Variants in NLN observed in about 807,000 individuals in gnomAD.
NLN encodes the protein neurolysin, mitochondrial.
NLN carries 64 observed loss-of-function variants against 79.9 expected under a neutral mutation model. The ratio of observed to expected loss-of-function variants is 0.80; its 90% CI spans 0.65 to 0.99. NLN has a LOEUF of 0.99. Among genes scored for constraint, NLN ranks in the 50% least tolerant of loss-of-function variants. The pLI, the probability that NLN is intolerant of heterozygous loss-of-function variation, is 0.00. For missense variants in NLN, 835 were observed against 858.7 expected, an observed-to-expected ratio of 0.97 and a Z score of 0.34; for synonymous variants, 267 against 296.6, an observed-to-expected ratio of 0.90 and a Z score of 1.02.
chr5:65,738,689 C>T (rs1000649405), intron 1 of NLN, among the ~76,000 whole-genome samples: 1 of 151,658 alleles, frequency 6.6e-6, no homozygotes, highest in Non-Finnish European at 1.5e-5. Flanking sequence ...ATTTTGTATC[C>T]TTTGACCAGC....
intron 9 of NLN, among the ~76,000 whole-genome samples, chr5:65,802,180 C>T (rs1561208976): frequency 6.6e-6 from 1 of 152,234 alleles, no homozygotes; most frequent in African/African-American, 2.4e-5. Context: ...AGGCTGCACT[C>T]AGCTCGCACT....
intron 3 of NLN, among the ~76,000 whole-genome samples, chr5:65,766,472 A>G (rs928618163): frequency 6.6e-6 from 1 of 152,122 alleles, no homozygotes; most frequent in Non-Finnish European, 1.5e-5. Context: ...AAACCACCCC[A>G]TGATCCATTC....
At chr5:65,817,130 G>T (rs1293831131) in intron 12 of NLN, among the ~76,000 whole-genome samples, 1 of 152,004 alleles carries the variant, frequency 6.6e-6, no homozygotes, top group East Asian at 1.9e-4. Flanking sequence ...CTGTTTTGAG[G>T]GCCTCTATCA....
intron 1 of NLN, among the ~76,000 whole-genome samples, chr5:65,755,415 A>G (rs968033121): frequency 3.3e-5 from 5 of 152,174 alleles, no homozygotes; most frequent in Admixed American, 6.6e-5. Context: ...AAAGTGGAAC[A>G]TGCGTATAAG....
chr5:65,822,556 C>CCA (rs1258381621), intron 12 of NLN, among the ~76,000 whole-genome samples: 1 of 152,142 alleles, frequency 6.6e-6, no homozygotes, highest in East Asian at 1.9e-4. Context: ...GGAGACAAGA[C>CCA]CATAATAAAG....
At chr5:65,779,254 A>G (rs1388318696) in intron 4 of NLN, among the ~76,000 whole-genome samples, 2 of 152,170 alleles carry the variant, frequency 1.3e-5, no homozygotes, top group South Asian at 2.1e-4. Context: ...GTTTCTAACA[A>G]CTTCCCTGGT....
chr5:65,812,010 G>C (rs535008283), intron 11 of NLN, among the ~76,000 whole-genome samples: 3 of 152,154 alleles, frequency 2.0e-5, no homozygotes, highest in Admixed American at 2.0e-4. Context: ...GGACAAAGCC[G>C]CTGAAACTAT....
At position 65,729,582 on chromosome 5, in the gene NLN, G is replaced by T. The variant is rs149645408; in HGVS notation, c.41+7168G>T. On this transcript the variant is annotated intron_variant, in intron 1 of 12. Coordinates refer to ENST00000380985, the MANE Select transcript of NLN (RefSeq NM_020726.5). Reference sequence around the variant, plus strand: ...GCAGAGACGGGGTTTTACCATGTTGGCTAGGCTGGTCTCGAACTCCTGATC... The same window carrying T: ...GCAGAGACGGGGTTTTACCATGTTGTCTAGGCTGGTCTCGAACTCCTGATC... 7.5e-3 allele frequency among the ~76,000 whole-genome samples: 1,145 copies of T among 152,060 alleles called. 7 individuals carry two copies. The highest frequency in any genetic ancestry group is 0.014 in the Non-Finnish European group (918 of 67,952).
intron 9 of NLN, among the ~76,000 whole-genome samples, chr5:65,793,833 G>A (rs1461587468): frequency 1.3e-5 from 2 of 152,048 alleles, no homozygotes; most frequent in East Asian, 3.8e-4. Flanking sequence ...ATACCCCTCA[G>A]CCTCTCACCC....
At chr5:65,817,599 TC>T (rs1359298940) in intron 12 of NLN, among the ~76,000 whole-genome samples, 1 of 152,248 alleles carries the variant, frequency 6.6e-6, no homozygotes, top group African/African-American at 2.4e-5. Context: ...ATCTTCCTCC[TC>T]TTTTGCATTT....
At chr5:65,728,221 C>G (rs1758521444) in intron 1 of NLN, among the ~76,000 whole-genome samples, 1 of 152,094 alleles carries the variant, frequency 6.6e-6, no homozygotes, top group Non-Finnish European at 1.5e-5. Context: ...AAAATTTCCT[C>G]TATGAACAGA....
At chr5:65,795,443 T>G (rs1760155327) in intron 9 of NLN, among the ~76,000 whole-genome samples, 1 of 152,136 alleles carries the variant, frequency 6.6e-6, no homozygotes, top group African/African-American at 2.4e-5. Flanking sequence ...TCCAAGCACT[T>G]TGCGAGGCCC....
rs1296907463 is a variant in NLN at position 65,815,552 on chromosome 5, C to T, written c.1980+3161C>T. Among the ~76,000 whole-genome samples, 4 of 152,184 alleles carry T rather than the reference C, an allele frequency of 2.6e-5. 1 individual carries two copies. The highest frequency in any genetic ancestry group is 7.2e-5 in the African/African-American group (3 of 41,440). On this transcript the variant is annotated intron_variant, in intron 12 of 12. Transcript: ENST00000380985. ...GCCATAAGGCTGGTGTTAATTCCTT[C>T]CTTTACACTTTTTCCTTTCCTTTCA...
At chr5:65,769,019 T>C (rs1159715455) in intron 3 of NLN, among the ~76,000 whole-genome samples, 3 of 152,240 alleles carry the variant, frequency 2.0e-5, no homozygotes, top group Admixed American at 6.5e-5. Context: ...TGGGCTTCCT[T>C]ACAGTGTGGT....
intron 9 of NLN, among the ~76,000 whole-genome samples, chr5:65,795,936 G>A (rs1281939733): frequency 6.6e-6 from 1 of 152,146 alleles, no homozygotes; most frequent in East Asian, 1.9e-4. Context: ...ATAATGACCT[G>A]CTTTTAAAAT....
chr5:65,738,890 G>T, intron 1 of NLN, among the ~76,000 whole-genome samples: 1 of 146,548 alleles, frequency 6.8e-6, no homozygotes. Flanking sequence ...CTGAGTAGCT[G>T]GGATCACAGG....
At position 65,809,328 on chromosome 5, in the gene NLN, GGTT is replaced by G. The variant is rs571164315; in HGVS notation, c.1528-183_1528-181del. ...ACTACTGTAATATAGAGTATTTGGGGGTTGTTTTTCACACTGTTCAGCTGCTGT... is the reference window on the plus strand; with the variant it reads ...ACTACTGTAATATAGAGTATTTGGGGGTTTTTCACACTGTTCAGCTGCTGT... On this transcript the variant is annotated intron_variant, in intron 9 of 12. Transcript: ENST00000380985. 3.2e-3 allele frequency: 1,720 copies of G among 531,066 alleles called. 3 individuals carry two copies. Among genetic ancestry groups the G allele is most frequent in the Non-Finnish European group, 4.7e-3 (1,438 of 303,712 alleles). The allele number at this position is 531,066 out of a possible 1,614,324, so 32.9% of individuals were successfully genotyped here.
intron 1 of NLN, among the ~76,000 whole-genome samples, chr5:65,739,570 A>G (rs547602619): frequency 1.3e-5 from 2 of 152,224 alleles, no homozygotes; most frequent in Admixed American, 6.5e-5. Context: ...TCTATGTTTA[A>G]TATTTTGAGA....
At chr5:65,747,266 C>G (rs115060149) in intron 1 of NLN, among the ~76,000 whole-genome samples, 1 of 152,002 alleles carries the variant, frequency 6.6e-6, no homozygotes, top group East Asian at 1.9e-4. Context: ...AGGAGAAATT[C>G]GGGGAGGCTG....
Sources: allele counts gnomAD v4.1 joint callset (sites outside exome capture counted in the v4.1 genomes callset), GRCh38; gene constraint gnomAD v4.1.1; transcripts MANE v1.5; gene names NCBI Gene and HGNC (gene_info 2026-07-23, HGNC 2026-07-21).